Variants in SDK2 observed in about 807,000 individuals in gnomAD.
The protein encoded by SDK2 is protein sidekick-2.
In SDK2, 105 loss-of-function variants were observed where a neutral mutation model predicts 253.9. The observed-to-expected ratio is 0.41, with a 90% confidence interval of 0.35 to 0.49. SDK2 has a LOEUF of 0.49. Ranked by LOEUF, SDK2 falls within the 20% of genes least tolerant of loss-of-function variation. The pLI is 0.06. For synonymous variants in SDK2, 1,249 were observed against 1,234.9 expected (o/e 1.01, Z -0.24); for missense variants, 2,608 against 3,003.0 (o/e 0.87, Z 3.07).
Position 73,559,409 on chromosome 17 carries a change from C to A in SDK2, c.65-51812G>T, listed in dbSNP as rs960290872. Among the ~76,000 whole-genome samples, 3 of 152,302 alleles carry A rather than the reference C, an allele frequency of 2.0e-5. No homozygotes were observed. In the South Asian group the frequency reaches 6.2e-4, roughly 32 times the overall value. On this transcript the variant is annotated intron_variant, in intron 1 of 44. Transcript: ENST00000392650. ...GCAAGGAGTTGATAAATGGAATAGA[C>A]GATATAACAATTACATTGTAATGTG...
At chr17:73,386,891 A>G (rs2062876897) in intron 30 of SDK2, among the ~76,000 whole-genome samples, 1 of 151,046 alleles carries the variant, frequency 6.6e-6, no homozygotes, top group Admixed American at 6.6e-5. Flanking sequence ...CAATACCTCC[A>G]CTCGGAACAA....
chr17:73,505,051 C>A (rs1397766263), intron 2 of SDK2, among the ~76,000 whole-genome samples: 1 of 152,072 alleles, frequency 6.6e-6, no homozygotes, highest in Non-Finnish European at 1.5e-5. Flanking sequence ...CCCAAGTGCG[C>A]GCTCATCTAT....
intron 34 of SDK2, 64 bp downstream of exon 34, chr17:73,380,830 G>C: frequency 7.1e-7 from 1 of 1,403,026 alleles, no homozygotes; most frequent in Non-Finnish European, 9.9e-7. Flanking sequence ...TCTCAAGGAG[G>C]CCCCACTCCC....
chr17:73,588,197 A>ACCCCCCCCCCC (rs57740393), intron 1 of SDK2, among the ~76,000 whole-genome samples: 25 of 130,842 alleles, frequency 1.9e-4, no homozygotes, highest in East Asian at 2.5e-4. Flanking sequence ...ACATGGAGAG[A>ACCCCCCCCCCC]CCCCCCCCCC....
At chr17:73,605,761 G>A (rs1390277493) in intron 1 of SDK2, among the ~76,000 whole-genome samples, 2 of 152,180 alleles carry the variant, frequency 1.3e-5, no homozygotes, top group African/African-American at 4.8e-5. Context: ...CATGTGCCAA[G>A]AGATCGGATG....
At chr17:73,550,379 T>C (rs1809096180) in intron 1 of SDK2, among the ~76,000 whole-genome samples, 1 of 152,128 alleles carries the variant, frequency 6.6e-6, no homozygotes, top group Non-Finnish European at 1.5e-5. Context: ...GCTGGGAAAA[T>C]AGCTCAATTA....
Position 73,402,013 on chromosome 17 carries a change from C to T in SDK2, c.2613G>A (p.Val871=). ...LKKFTEYFTS[V]LCFTTPGDGP... The stretch of plus-strand genomic sequence containing the variant: ...CGTCCCCGGGGGTGGTGAAACACAG[C>T]ACTGAGGTGAAGTACTCGGTGAACT... Residue 871 remains valine (V), a synonymous_variant, in exon 19 of 45, where the codon GTG becomes GTA. Coordinates refer to ENST00000392650, the MANE Select transcript of SDK2 (RefSeq NM_001144952.2). The T allele has an allele frequency of 6.2e-7, 1 of 1,613,910 alleles. No homozygotes were observed. Among genetic ancestry groups the T allele is most frequent in the Non-Finnish European group, 8.5e-7 (1 of 1,179,872 alleles).
chr17:73,400,661 T>C (rs1253724760), intron 21 of SDK2, among the ~76,000 whole-genome samples: 2 of 145,248 alleles, frequency 1.4e-5, no homozygotes, highest in Non-Finnish European at 3.0e-5. Context: ...CCTCTTTTTA[T>C]TTTTTTTTTT....
intron 5 of SDK2, among the ~76,000 whole-genome samples, chr17:73,441,159 C>T (rs2063412506): frequency 7.2e-5 from 11 of 152,060 alleles, no homozygotes; most frequent in Admixed American, 5.9e-4. Context: ...CTGACCTTGA[C>T]GGCCTTCCCC....
chr17:73,466,723 C>CT (rs372778909), intron 3 of SDK2, among the ~76,000 whole-genome samples: 1 of 146,790 alleles, frequency 6.8e-6, no homozygotes, highest in South Asian at 2.2e-4. Context: ...ACGCCCCCCC[C>CT]CCCCGGCTTA....
At position 73,447,580 on chromosome 17, in the gene SDK2, G is replaced by A. The variant is rs1364397936; in HGVS notation, c.613+35C>T. The stretch of plus-strand genomic sequence containing the variant: ...CACCATTGCTAAGATTTAATGGCCC[G>A]CTCCAAGATCGGTCCCGGCCCTGTG... On this transcript the variant is annotated intron_variant, in intron 5 of 44. Coordinates refer to ENST00000392650, the MANE Select transcript of SDK2 (RefSeq NM_001144952.2). The surrounding 1 kb of genome is among the most constrained non-coding windows in gnomAD (Gnocchi z 4.0). 1.2e-5 allele frequency: 19 copies of A among 1,550,040 alleles called. No individual in the cohort carries two copies. The highest frequency in any genetic ancestry group is 6.1e-6 in the Non-Finnish European group (7 of 1,145,782).
At chr17:73,434,852 A>G (rs2063354776) in intron 9 of SDK2, among the ~76,000 whole-genome samples, 1 of 149,998 alleles carries the variant, frequency 6.7e-6, no homozygotes, top group Admixed American at 6.6e-5. Context: ...CTGGTCTCAA[A>G]CTCCTGGGCT....
chr17:73,468,887 T>C (rs1028641210), intron 3 of SDK2, among the ~76,000 whole-genome samples: 1 of 152,060 alleles, frequency 6.6e-6, no homozygotes, highest in African/African-American at 2.4e-5. Context: ...TGCAGTGGCA[T>C]GATCTTGTCT....
intron 18 of SDK2, among the ~76,000 whole-genome samples, chr17:73,407,791 T>C (rs2063091209): frequency 6.6e-6 from 1 of 152,284 alleles, no homozygotes; most frequent in East Asian, 1.9e-4. Context: ...AATTAAATGC[T>C]TACCCTGCTT....
rs1408005224 is a variant in SDK2 at position 73,496,345 on chromosome 17, C to T, written c.224+11093G>A. ...TCAAAGGCACACAGTGAGTCAGGGGCAGGACTGGACATCACAAGGTGGGAT... is the reference window on the plus strand; with the variant it reads ...TCAAAGGCACACAGTGAGTCAGGGGTAGGACTGGACATCACAAGGTGGGAT... On this transcript the variant is annotated intron_variant, in intron 2 of 44. Transcript: ENST00000392650. This position sits in a 1 kb window ranked among gnomAD's most constrained non-coding sequence, Gnocchi z 4.7. 6.6e-6 allele frequency among the ~76,000 whole-genome samples: 1 copy of T among 152,156 alleles called. No homozygotes were observed. Among genetic ancestry groups the T allele is most frequent in the South Asian group, 2.1e-4 (1 of 4,828 alleles).
chr17:73,498,257 A>G (rs528058274), intron 2 of SDK2, among the ~76,000 whole-genome samples: 38 of 152,192 alleles, frequency 2.5e-4, no homozygotes, highest in African/African-American at 8.9e-4. Flanking sequence ...ACACTACTCA[A>G]GTTCTGTGTC....
chr17:73,409,776 CA>C (rs1244331592), intron 18 of SDK2, among the ~76,000 whole-genome samples: 6 of 152,114 alleles, frequency 3.9e-5, no homozygotes, highest in Admixed American at 3.3e-4. Context: ...TGCTTTTATT[CA>C]TTGGTATTGA....
At chr17:73,405,844 C>T (rs1044505735) in intron 18 of SDK2, among the ~76,000 whole-genome samples, 3 of 151,394 alleles carry the variant, frequency 2.0e-5, no homozygotes, top group South Asian at 2.1e-4. Flanking sequence ...CTCAGCCTCC[C>T]GAGTTGCTGG....
At chr17:73,498,701 A>G (rs2085080638) in intron 2 of SDK2, among the ~76,000 whole-genome samples, 1 of 152,226 alleles carries the variant, frequency 6.6e-6, no homozygotes, top group Non-Finnish European at 1.5e-5. Flanking sequence ...ATGTTAAGGG[A>G]TTCAGAAGAA....
Sources: gnomAD v4.1 joint callset for allele counts (sites outside exome capture counted in the v4.1 genomes callset) on GRCh38, gnomAD v4.1.1 for gene constraint, Gnocchi (gnomAD v3.1) non-coding constraint, MANE v1.5 for transcripts, NCBI Gene and HGNC (gene_info 2026-07-23, HGNC 2026-07-21) for gene names.